UST: variants seen among roughly 807,000 people sequenced by gnomAD.
The protein encoded by UST is chondroitin sulfate 2-O-sulfotransferase.
In UST, 21 loss-of-function variants were observed where a neutral mutation model predicts 45.6. The ratio of observed to expected loss-of-function variants is 0.46; its 90% CI spans 0.33 to 0.66. UST has a LOEUF of 0.66. Among genes scored for constraint, UST ranks in the 30% least tolerant of loss-of-function variants. The pLI, the probability that UST is intolerant of heterozygous loss-of-function variation, is 0.02. For missense variants in UST, 463 were observed against 512.4 expected (o/e 0.90, Z 0.93); for synonymous variants, 215 against 200.6 (o/e 1.07, Z -0.61).
chr6:148,984,976 A>G (rs1481868024), intron 5 of UST, among the ~76,000 whole-genome samples: 1 of 152,222 alleles, frequency 6.6e-6, no homozygotes, highest in Non-Finnish European at 1.5e-5. Context: ...TTGGCTATGG[A>G]GCTAAAGGAT....
chr6:148,864,442 T>C (rs956845862), intron 1 of UST, among the ~76,000 whole-genome samples: 4 of 152,232 alleles, frequency 2.6e-5, no homozygotes, highest in Non-Finnish European at 4.4e-5. Flanking sequence ...CCCTGACCCC[T>C]TGCACTTCCC....
chr6:149,064,893 TAA>T (rs35820279), intron 7 of UST, among the ~76,000 whole-genome samples: 38,476 of 148,912 alleles, frequency 0.26, 5,018 homozygotes, highest in African/African-American at 0.29. Context: ...AATCCATTTC[TAA>T]AAAAAAAAAA....
chr6:148,984,565 C>T (rs1781204222), intron 5 of UST, among the ~76,000 whole-genome samples: 1 of 152,202 alleles, frequency 6.6e-6, no homozygotes, highest in Non-Finnish European at 1.5e-5. Flanking sequence ...GACGGGATCT[C>T]ACTCTGTCTT....
At chr6:148,750,478 A>C (rs1582786461) in intron 1 of UST, among the ~76,000 whole-genome samples, 1 of 152,164 alleles carries the variant, frequency 6.6e-6, no homozygotes, top group African/African-American at 2.4e-5. Flanking sequence ...CATTTTCTGT[A>C]TGGAAAAAAT....
chr6:148,892,508 C>T (rs535694999), intron 2 of UST, among the ~76,000 whole-genome samples: 32 of 152,252 alleles, frequency 2.1e-4, no homozygotes, highest in Admixed American at 5.2e-4. Context: ...GAATCATTCC[C>T]TTAGGCTCAC....
intron 3 of UST, 68 bp from the exon 4 acceptor site, chr6:148,953,804 T>C: frequency 1.5e-6 from 1 of 682,198 alleles, no homozygotes; most frequent in South Asian, 2.4e-5. Context: ...GTGGGATACA[T>C]AACCTTTAAC....
At chr6:149,012,804 TAA>T (rs763495869) in intron 5 of UST, among the ~76,000 whole-genome samples, 2,027 of 104,108 alleles carry the variant, frequency 0.019, 24 homozygotes, top group Middle Eastern at 0.052. Flanking sequence ...AGTCACTATT[TAA>T]AAAAAAAAAA....
In UST at chr6:149,021,463, A is replaced by T. The variant is rs1396078402; in HGVS notation, c.919A>T (p.Ser307Cys). Reference protein sequence around the residue: ...FLPHYFKGVLSIYKDPEHRKL... With the variant: ...FLPHYFKGVLCIYKDPEHRKL... ...ACCTCATTACTTCAAGGGCGTGCTC[A>T]GTATCTACAAAGACCCAGGTAACTT... Residue 307 changes from serine (S) to cysteine (C), a missense_variant, in exon 7 of 8, where the codon AGT becomes TGT. Physicochemically the swap from Ser to Cys is moderately radical, Grantham distance 112 (BLOSUM62 -1). Around this residue, in one of 2 missense-constraint regions of UST, gnomAD observed 287 missense variants for 374.2 expected, o/e 0.77. Coordinates refer to ENST00000367463, the MANE Select transcript of UST (RefSeq NM_005715.3). 6.2e-7 allele frequency: 1 copy of T among 1,614,182 alleles called. No individual in the cohort carries two copies. The highest frequency in any genetic ancestry group is 1.7e-5 in the Admixed American group (1 of 60,016).
intron 5 of UST, among the ~76,000 whole-genome samples, chr6:148,999,913 A>G (rs1471499928): frequency 6.6e-6 from 1 of 152,262 alleles, no homozygotes; most frequent in African/African-American, 2.4e-5. Context: ...AATGATTGAT[A>G]GAATATAAAA....
At chr6:148,992,837 G>A (rs559213511) in intron 5 of UST, 152 of 220,406 alleles carry the variant, frequency 6.9e-4, no homozygotes, top group South Asian at 1.5e-3. Flanking sequence ...ATACTTGAGG[G>A]AATCTTAACC....
chr6:148,750,400 G>A (rs1255880551), intron 1 of UST, among the ~76,000 whole-genome samples: 2 of 152,200 alleles, frequency 1.3e-5, no homozygotes, highest in African/African-American at 4.8e-5. Context: ...GCATGTGCCA[G>A]TCAGTGCATA....
In UST at chr6:148,977,797, G is replaced by A. The variant is rs114086745; in HGVS notation, c.681+13234G>A. On this transcript the variant is annotated intron_variant, in intron 5 of 7. Transcript: ENST00000367463. The stretch of plus-strand genomic sequence containing the variant: ...GAAAAGAAAATCAGCTTGTTCAGCC[G>A]TCCGCTACCCCCACCCCACATTCAT... 9.7e-3 allele frequency among the ~76,000 whole-genome samples: 1,456 copies of A among 150,366 alleles called. 28 individuals carry two copies. The highest frequency in any genetic ancestry group is 0.033 in the African/African-American group (1,365 of 40,950).
chr6:149,063,008 A>T (rs991707014), intron 7 of UST, among the ~76,000 whole-genome samples: 5 of 152,246 alleles, frequency 3.3e-5, no homozygotes, highest in African/African-American at 1.2e-4. Context: ...GCCTCATGCC[A>T]GGTTTTATTC....
intron 5 of UST, among the ~76,000 whole-genome samples, chr6:149,008,204 AT>A (rs1331313026): frequency 6.6e-6 from 1 of 152,224 alleles, no homozygotes; most frequent in East Asian, 1.9e-4. Context: ...CATTTTTAAT[AT>A]TTGTAGACAT....
intron 5 of UST, among the ~76,000 whole-genome samples, chr6:148,965,457 G>C (rs1780771014): frequency 6.6e-6 from 1 of 152,168 alleles, no homozygotes; most frequent in Admixed American, 6.5e-5. Context: ...GGATCAGTCA[G>C]AGGTGTTGTT....
At chr6:148,889,954 A>G (rs10499259) in intron 2 of UST, among the ~76,000 whole-genome samples, 30,377 of 151,888 alleles carry the variant, frequency 0.2, 3,526 homozygotes, top group South Asian at 0.31. Flanking sequence ...ATATGCAAAA[A>G]TGATCAGGTT....
At chr6:148,989,837 A>G (rs1214468726) in intron 5 of UST, among the ~76,000 whole-genome samples, 4 of 152,232 alleles carry the variant, frequency 2.6e-5, no homozygotes, top group Non-Finnish European at 5.9e-5. Context: ...ACCAATTCAC[A>G]TGGTAAATAA....
At chr6:148,755,551 G>A (rs1013420200) in intron 1 of UST, among the ~76,000 whole-genome samples, 12 of 152,006 alleles carry the variant, frequency 7.9e-5, no homozygotes, top group African/African-American at 1.9e-4. Flanking sequence ...CACATGTTGT[G>A]GGAGGAACCC....
chr6:148,954,246 C>T (rs949687365), intron 4 of UST, among the ~76,000 whole-genome samples: 2 of 152,080 alleles, frequency 1.3e-5, no homozygotes, highest in African/African-American at 4.8e-5. Context: ...AATAAGAAGG[C>T]AGGAGATGGG....
Sources: gnomAD v4.1 joint callset for allele counts (sites outside exome capture counted in the v4.1 genomes callset) on GRCh38, gnomAD v4.1.1 for gene constraint, gnomAD v4.1.1 regional missense constraint, MANE v1.5 for transcripts, NCBI Gene and HGNC (gene_info 2026-07-23, HGNC 2026-07-21) for gene names.